The following DLG2 variants were observed in gnomAD, a reference collection of about 807,000 sequenced individuals.
DLG2 encodes the protein disks large homolog 2.
In DLG2, 45 loss-of-function variants were observed where a neutral mutation model predicts 132.5. The ratio of observed to expected loss-of-function variants is 0.34; its 90% CI spans 0.27 to 0.44. The LOEUF (loss-of-function observed/expected upper bound fraction) is 0.44, where lower values mean the gene tolerates loss of function less well. Ranked by LOEUF, DLG2 falls within the 20% of genes least tolerant of loss-of-function variation. DLG2 has a pLI of 1.00. For missense variants in DLG2, 1,045 were observed against 1,196.9 expected (o/e 0.87, Z 1.87); for synonymous variants, 424 against 419.6 (o/e 1.01, Z -0.13).
At chr11:84,472,187 G>A (rs764556312) in intron 7 of DLG2, among the ~76,000 whole-genome samples, 6 of 151,774 alleles carry the variant, frequency 4.0e-5, no homozygotes, top group Non-Finnish European at 5.9e-5. Context: ...ACATAAAAGC[G>A]ATTGGATCTC....
chr11:83,492,017 G>A (rs564056624), intron 21 of DLG2, among the ~76,000 whole-genome samples: 23 of 152,148 alleles, frequency 1.5e-4, no homozygotes, highest in African/African-American at 2.4e-4. Flanking sequence ...TGCTCATTCC[G>A]TAGGTACTAC....
Position 83,553,576 on chromosome 11 carries a change from A to G in DLG2, c.1941-11718T>C, listed in dbSNP as rs1593051954. On this transcript the variant is annotated intron_variant, in intron 19 of 27. Transcript: ENST00000376104. ...TATTACATATTGTAAGTCACTTGGA[A>G]TCACCTCATCATTCTCTTCTCTTCT... 2.0e-5 allele frequency among the ~76,000 whole-genome samples: 3 copies of G among 150,694 alleles called. No homozygotes were observed. In the South Asian group the frequency reaches 6.3e-4, roughly 32 times the overall value.
intron 6 of DLG2, among the ~76,000 whole-genome samples, chr11:84,934,515 G>GGTTTTTTTTTTTTTTT (rs1566441569): frequency 4.4e-4 from 18 of 40,506 alleles, no homozygotes; most frequent in East Asian, 1.2e-3. Context: ...TTTTTTTTTT[G>GGTTTTTTTTTTTTTTT]TTTTGTTTTG....
chr11:83,724,458 C>CGTGTGTGTGTGTGTGTGTGT (rs150976898), intron 18 of DLG2, among the ~76,000 whole-genome samples: 7 of 121,450 alleles, frequency 5.8e-5, no homozygotes, highest in African/African-American at 2.1e-4. Flanking sequence ...TCTCTCTCTC[C>CGTGTGTGTGTGTGTGTGTGT]GTGTGTGTGT....
rs542529387 is a variant in DLG2 at position 85,401,390 on chromosome 11, T to A, written c.41-116025A>T. ...AACCCACAGCCAATATCGTACTGAA[T>A]GGCCAAAAGCTGGAAGAATTCCACT... On this transcript the variant is annotated intron_variant, in intron 3 of 27. Transcript: ENST00000376104. Among the ~76,000 whole-genome samples the A allele has an allele frequency of 1.2e-4, 19 of 152,248 alleles. 1 individual carries two copies. The South Asian group carries it at 3.7e-3, about 30-fold the overall frequency.
chr11:85,531,297 T>A (rs2075193015), intron 3 of DLG2, among the ~76,000 whole-genome samples: 1 of 152,190 alleles, frequency 6.6e-6, no homozygotes, highest in Admixed American at 6.5e-5. Context: ...AGCATATACA[T>A]CATCACCAGA....
chr11:84,760,585 G>A (rs1176531090), intron 6 of DLG2, among the ~76,000 whole-genome samples: 1 of 152,152 alleles, frequency 6.6e-6, no homozygotes, highest in Non-Finnish European at 1.5e-5. Flanking sequence ...AGTTAGCAGC[G>A]GCCCCACAAC....
chr11:84,780,499 T>C (rs1295740956), intron 6 of DLG2, among the ~76,000 whole-genome samples: 1 of 152,140 alleles, frequency 6.6e-6, no homozygotes, highest in Non-Finnish European at 1.5e-5. Context: ...GCTGGATTTA[T>C]GGTAAGTTTA....
At chr11:84,564,936 A>G (rs1191348451) in intron 6 of DLG2, among the ~76,000 whole-genome samples, 1 of 152,196 alleles carries the variant, frequency 6.6e-6, no homozygotes, top group Non-Finnish European at 1.5e-5. Context: ...AGTCTATATG[A>G]CTGTGTGATA....
chr11:84,840,851 G>A (rs978044881), intron 6 of DLG2, among the ~76,000 whole-genome samples: 8 of 151,986 alleles, frequency 5.3e-5, no homozygotes, highest in Non-Finnish European at 1.0e-4. Flanking sequence ...GGGGTAGGGG[G>A]CAGGGGGAGG....
At chr11:85,215,752 A>G (rs1310090190) in intron 4 of DLG2, among the ~76,000 whole-genome samples, 2 of 152,208 alleles carry the variant, frequency 1.3e-5, no homozygotes, top group Admixed American at 6.5e-5. Context: ...AAAATGCTAC[A>G]TAAACCCAAG....
chr11:84,054,844 T>G (rs2154125201), intron 11 of DLG2, among the ~76,000 whole-genome samples: 1 of 152,196 alleles, frequency 6.6e-6, no homozygotes, highest in African/African-American at 2.4e-5. Flanking sequence ...TATCCTCTAT[T>G]CTGTGCAAAA....
At chr11:83,683,045 A>G (rs751993204) in intron 18 of DLG2, among the ~76,000 whole-genome samples, 1 of 152,150 alleles carries the variant, frequency 6.6e-6, no homozygotes, top group African/African-American at 2.4e-5. Context: ...AAGACTGGAA[A>G]TCATAAACAG....
chr11:83,884,009 G>A (rs1196879649), intron 15 of DLG2, among the ~76,000 whole-genome samples: 1 of 140,176 alleles, frequency 7.1e-6, no homozygotes, highest in East Asian at 1.9e-4. Flanking sequence ...CTCCCAGCGT[G>A]AGTGACGCAG....
At chr11:84,483,929 A>G (rs76853730) in intron 7 of DLG2, among the ~76,000 whole-genome samples, 1,980 of 152,314 alleles carry the variant, frequency 0.013, 19 homozygotes, top group Non-Finnish European at 0.021. Flanking sequence ...CTGGCAGTGC[A>G]TGTCATAGCT....
chr11:84,151,200 CT>C (rs1381706947), intron 9 of DLG2, among the ~76,000 whole-genome samples: 129 of 142,328 alleles, frequency 9.1e-4, no homozygotes, highest in Middle Eastern at 3.6e-3. Flanking sequence ...GTAAGATTGG[CT>C]TTTTTTTTTT....
At chr11:84,830,948 T>TCCC (rs1243993716) in intron 6 of DLG2, among the ~76,000 whole-genome samples, 2 of 85,688 alleles carry the variant, frequency 2.3e-5, no homozygotes, top group Admixed American at 1.1e-4. Context: ...TCTCTCTCTC[T>TCCC]CCTCCCCCCA....
chr11:83,600,905 G>C (rs2058432027), intron 19 of DLG2, among the ~76,000 whole-genome samples: 1 of 152,230 alleles, frequency 6.6e-6, no homozygotes. Flanking sequence ...GACTCAGTGG[G>C]AAGAATGCCG....
chr11:84,915,585 G>C (rs749610163), intron 6 of DLG2, among the ~76,000 whole-genome samples: 1 of 152,020 alleles, frequency 6.6e-6, no homozygotes, highest in African/African-American at 2.4e-5. Flanking sequence ...GTTTACCTAG[G>C]GTCATTTTCA....
Sources: gnomAD v4.1 joint callset for allele counts (sites outside exome capture counted in the v4.1 genomes callset) on GRCh38, gnomAD v4.1.1 for gene constraint, MANE v1.5 for transcripts, NCBI Gene and HGNC (gene_info 2026-07-23, HGNC 2026-07-21) for gene names.